SRPX: variants seen among roughly 807,000 people sequenced by gnomAD.
SRPX encodes sushi repeat-containing protein SRPX.
In SRPX, 24 loss-of-function variants were observed where a neutral mutation model predicts 38.1. The ratio of observed to expected loss-of-function variants is 0.63; its 90% CI spans 0.46 to 0.89. The LOEUF is 0.89. Among genes scored for constraint, SRPX ranks in the 40% least tolerant of loss-of-function variants. The probability of loss-of-function intolerance (pLI) is 0.00; values close to 1 mark genes in which losing one functional copy is unlikely to be tolerated. For missense variants in SRPX, 416 were observed against 377.8 expected (o/e 1.10, Z -0.84); for synonymous variants, 184 against 153.8 (o/e 1.20, Z -1.45).
Position 38,169,297 on chromosome X carries a change from C to T in SRPX, c.526+2584G>A, listed in dbSNP as rs575708392. On this transcript the variant is annotated intron_variant, in intron 4 of 9. Coordinates refer to ENST00000378533, the MANE Select transcript of SRPX (RefSeq NM_006307.5). The stretch of plus-strand genomic sequence containing the variant: ...TCATTCTTAGCCCTACTGATGTTTG[C>T]ATCAACTGAATAATGCAATGCAGCC... Among the ~76,000 whole-genome samples the T allele has an allele frequency of 1.1e-4, 12 of 112,009 alleles. 1 individual carries two copies. In the South Asian group the frequency reaches 4.1e-3, roughly 38 times the overall value.
chrX:38,220,765 G>GA lies in SRPX; in HGVS notation c.27_28insT (p.Leu10SerfsTer34). 8.8e-7 allele frequency: 1 copy of GA among 1,137,085 alleles called. No individual in the cohort carries two copies. The highest frequency in any genetic ancestry group is 1.2e-6 in the Non-Finnish European group (1 of 864,134). The allele number at this position is 1,137,085 out of a possible 1,213,427, so 93.7% of individuals were successfully genotyped here. A position where few individuals can be genotyped will look rare whatever the true frequency, so the allele number is the denominator to read the frequency against. ...AGCAGAGGCGGCAGCAGCAGCAGCA[G>GA]CGCGGGCCGATGTGCGGGGCTCCCC... On this transcript the variant is annotated frameshift_variant, in exon 1 of 10. Transcript: ENST00000378533. LOFTEE classifies it high-confidence loss of function.
At chrX:38,165,011 T>C (rs929841178) in intron 4 of SRPX, 116 bp from the exon 5 acceptor site, 34 of 639,876 alleles carry the variant, frequency 5.3e-5, no homozygotes, top group Admixed American at 2.9e-4. Context: ...TTTCAAAGAG[T>C]TTGTTCACCC....
chrX:38,188,402 T>C (rs1048151126), intron 1 of SRPX, among the ~76,000 whole-genome samples: 1 of 112,246 alleles, frequency 8.9e-6, no homozygotes, highest in Non-Finnish European at 1.9e-5. Flanking sequence ...AAGAATAGTA[T>C]GTTTCAAACT....
At position 38,158,706 on chromosome X, in the gene SRPX, C is replaced by A. The variant is rs187120929; in HGVS notation, c.955+1311G>T. 2.0e-3 allele frequency among the ~76,000 whole-genome samples: 219 copies of A among 111,659 alleles called. 2 individuals carry two copies. Among genetic ancestry groups the A allele is most frequent in the African/African-American group, 6.9e-3 (213 of 30,706 alleles). Reference sequence around the variant, plus strand: ...ATTAAAAAAGTGTAAAGAGACCGGGCGCAGTGTCTCACATCTGTAATCCCA... The same window carrying A: ...ATTAAAAAAGTGTAAAGAGACCGGGAGCAGTGTCTCACATCTGTAATCCCA... On this transcript the variant is annotated intron_variant, in intron 7 of 9. Coordinates refer to ENST00000378533, the MANE Select transcript of SRPX (RefSeq NM_006307.5).
At chrX:38,212,476 C>T (rs144250204) in intron 1 of SRPX, among the ~76,000 whole-genome samples, 1,314 of 111,580 alleles carry the variant, frequency 0.012, 28 homozygotes, top group African/African-American at 0.041. Flanking sequence ...ACCAGTACTT[C>T]CTAAATTTCA....
intron 1 of SRPX, among the ~76,000 whole-genome samples, chrX:38,194,016 T>G (rs1250813267): frequency 8.9e-6 from 1 of 111,807 alleles, no homozygotes; most frequent in Non-Finnish European, 1.9e-5. Context: ...AGCTTTAATT[T>G]CCATGGACTG....
At chrX:38,210,764 C>T (rs2062680056) in intron 1 of SRPX, among the ~76,000 whole-genome samples, 3 of 112,348 alleles carry the variant, frequency 2.7e-5, no homozygotes, top group South Asian at 7.5e-4. Flanking sequence ...ATAAATTAAC[C>T]GTATACAAGG....
At chrX:38,171,785 A>G in intron 4 of SRPX, 96 bp downstream of exon 4, 1 of 920,043 alleles carries the variant, frequency 1.1e-6, no homozygotes, top group Admixed American at 2.6e-5. Flanking sequence ...TAGGCCTTAC[A>G]GGAGGAATAG....
At chrX:38,217,135 T>C (rs1314370223) in intron 1 of SRPX, among the ~76,000 whole-genome samples, 1 of 112,628 alleles carries the variant, frequency 8.9e-6, no homozygotes, top group Non-Finnish European at 1.9e-5. Flanking sequence ...TGGCACAAAG[T>C]GCTCTGCTAG....
intron 4 of SRPX, among the ~76,000 whole-genome samples, chrX:38,167,578 T>A (rs1309229127): frequency 8.9e-6 from 1 of 112,171 alleles, no homozygotes; most frequent in East Asian, 2.8e-4. Flanking sequence ...CCTGTTGAAT[T>A]AGGATGCCTG....
At chrX:38,187,923 G>C (rs1247314511) in intron 1 of SRPX, among the ~76,000 whole-genome samples, 1 of 112,216 alleles carries the variant, frequency 8.9e-6, no homozygotes, top group African/African-American at 3.2e-5. Context: ...TTTCAACAGA[G>C]GAGAGATGTC....
chrX:38,193,617 A>G lies in SRPX; in HGVS notation c.98-15273T>C, dbSNP rs188028579. Among the ~76,000 whole-genome samples the G allele has an allele frequency of 1.8e-4, 20 of 112,235 alleles. No homozygotes were observed. The East Asian group carries it at 5.0e-3, about 28-fold the overall frequency. ...TTTTCCTCAAATGCTTGCAAATGGC[A>G]ACTTTTTGTCTCATTGTAAAATCTT... On this transcript the variant is annotated intron_variant, in intron 1 of 9. Transcript: ENST00000378533.
rs1937973082 is a variant in SRPX, at chrX:38,149,726, C to A, written c.1380G>T (p.Gln460His). 1 of 1,208,647 alleles carries A rather than the reference C, an allele frequency of 8.3e-7. No homozygotes were observed. Among genetic ancestry groups the A allele is most frequent in the Non-Finnish European group, 1.1e-6 (1 of 894,593 alleles). Residue 460 changes from glutamine (Q) to histidine (H), a missense_variant, in exon 10 of 10, where the codon CAG (glutamine) becomes CAT (histidine). Transcript: ENST00000378533. Reference protein sequence around the residue: ...EEMVLQAEMSQTCNT With the variant: ...EEMVLQAEMSHTCNT ...AACCATCATGTCAGGTGTTACAGGT[C>A]TGGCTCATTTCGGCTTGTAGGACCA...
intron 3 of SRPX, among the ~76,000 whole-genome samples, chrX:38,172,431 C>A (rs1212734373): frequency 2.7e-5 from 3 of 112,857 alleles, no homozygotes; most frequent in Non-Finnish European, 3.8e-5. Context: ...CCAGCCTGGG[C>A]AACAAGAACA....
chrX:38,151,171 C>A (rs1395377790), intron 9 of SRPX, among the ~76,000 whole-genome samples: 1 of 112,162 alleles, frequency 8.9e-6, no homozygotes, highest in African/African-American at 3.2e-5. Flanking sequence ...AGTTCACTCC[C>A]AGTGACTAGA....
At chrX:38,205,864 T>A (rs757991793) in intron 1 of SRPX, among the ~76,000 whole-genome samples, 13 of 111,912 alleles carry the variant, frequency 1.2e-4, no homozygotes, top group Non-Finnish European at 2.4e-4. Context: ...TCCTGGAAAA[T>A]TAAACTCCCA....
chrX:38,195,516 C>T (rs1486667913), intron 1 of SRPX, among the ~76,000 whole-genome samples: 5 of 109,745 alleles, frequency 4.6e-5, no homozygotes, highest in Admixed American at 1.9e-4. Context: ...GTTTGTTTCT[C>T]ATTTGTTTGC....
intron 1 of SRPX, among the ~76,000 whole-genome samples, chrX:38,203,114 C>T (rs1196264852): frequency 1.8e-5 from 2 of 111,700 alleles, no homozygotes; most frequent in East Asian, 5.6e-4. Context: ...GGAAGCCTAG[C>T]TTAATATTCA....
chrX:38,211,691 C>G (rs944034914), intron 1 of SRPX, among the ~76,000 whole-genome samples: 2 of 108,874 alleles, frequency 1.8e-5, no homozygotes, highest in East Asian at 5.7e-4. Flanking sequence ...CAGAGCAAGA[C>G]TCGGTCAAAA....
Sources: gnomAD v4.1 joint callset for allele counts (sites outside exome capture counted in the v4.1 genomes callset) on GRCh38, gnomAD v4.1.1 for gene constraint, MANE v1.5 for transcripts, NCBI Gene and HGNC (gene_info 2026-07-23, HGNC 2026-07-21) for gene names.